RUNX2: variants seen among roughly 807,000 people sequenced by gnomAD.
RUNX2 encodes runt-related transcription factor 2.
A neutral mutation model predicts 51.7 loss-of-function variants in RUNX2; 10 were observed. The observed-to-expected ratio is 0.19, with a 90% confidence interval of 0.12 to 0.33. The LOEUF is 0.33. Among genes scored for constraint, RUNX2 ranks in the 10% least tolerant of loss-of-function variants. RUNX2 has a pLI of 1.00. For synonymous variants in RUNX2, 276 were observed against 273.6 expected (o/e 1.01, Z -0.09); for missense variants, 562 against 691.3 (o/e 0.81, Z 2.10).
At chr6:45,532,511 A>T (rs1801891719) in intron 7 of RUNX2, among the ~76,000 whole-genome samples, 1 of 152,048 alleles carries the variant, frequency 6.6e-6, no homozygotes, top group Non-Finnish European at 1.5e-5. Flanking sequence ...AACACTCTAG[A>T]ATTATTTTAT....
intron 2 of RUNX2, among the ~76,000 whole-genome samples, chr6:45,348,109 G>A (rs1291751761): frequency 1.3e-5 from 2 of 151,978 alleles, no homozygotes; most frequent in Non-Finnish European, 2.9e-5. Context: ...TACGTTAAAA[G>A]CAGCACCTTT....
intron 7 of RUNX2, among the ~76,000 whole-genome samples, chr6:45,534,479 T>A (rs1185940336): frequency 6.6e-6 from 1 of 152,162 alleles, no homozygotes; most frequent in East Asian, 1.9e-4. Context: ...TATTTCATGA[T>A]GATTTTTGAG....
At chr6:45,464,269 G>A (rs116714778) in intron 5 of RUNX2, among the ~76,000 whole-genome samples, 2,598 of 152,186 alleles carry the variant, frequency 0.017, 77 homozygotes, top group African/African-American at 0.06. Flanking sequence ...CTGTGTATCA[G>A]GGACTGTGTC....
rs541256105 is a variant in RUNX2 at position 45,328,740 on chromosome 6, G to C, written c.14G>C (p.Ser5Thr). The part of the protein sequence containing the change: MASN[S>T]LFSTVTPCQQ... ...AAAGGAGGGACTATGGCATCAAACA[G>C]CCTCTTCAGCACAGTGACACCATGT... The change falls in exon 2 of 9, where the codon AGC (serine) becomes ACC (threonine). Residue 5 changes from serine to threonine, a missense_variant. Transcript: ENST00000647337. The C allele has an allele frequency of 6.2e-7, 1 of 1,612,108 alleles. No individual in the cohort carries two copies. Among genetic ancestry groups the C allele is most frequent in the Middle Eastern group, 1.7e-4 (1 of 6,048 alleles).
chr6:45,386,171 G>A (rs577090239), intron 2 of RUNX2, among the ~76,000 whole-genome samples: 51 of 151,390 alleles, frequency 3.4e-4, no homozygotes, highest in African/African-American at 7.3e-4. Flanking sequence ...AGGTTCAAGC[G>A]ATTCTCTTGC....
chr6:45,503,639 G>A (rs538369967), intron 6 of RUNX2, among the ~76,000 whole-genome samples: 4 of 152,262 alleles, frequency 2.6e-5, no homozygotes, highest in African/African-American at 7.2e-5. Flanking sequence ...TAGCTTTGCC[G>A]TTGAGATTCA....
At chr6:45,531,141 C>A (rs1038209211) in intron 7 of RUNX2, among the ~76,000 whole-genome samples, 2 of 152,186 alleles carry the variant, frequency 1.3e-5, no homozygotes, top group Admixed American at 6.5e-5. Flanking sequence ...TCTTTTAGCT[C>A]CACATAATAT....
intron 2 of RUNX2, among the ~76,000 whole-genome samples, chr6:45,334,285 A>G (rs2150098654): frequency 6.6e-6 from 1 of 151,230 alleles, no homozygotes; most frequent in African/African-American, 2.4e-5. Context: ...ATCATTATAT[A>G]CCATCAACTA....
intron 2 of RUNX2, among the ~76,000 whole-genome samples, chr6:45,358,042 C>T (rs535564275): frequency 6.6e-6 from 1 of 151,760 alleles, no homozygotes; most frequent in South Asian, 2.1e-4. Flanking sequence ...CAAAAATTAA[C>T]ATCTTCAAAG....
At chr6:45,434,362 C>A (rs770799631) in intron 4 of RUNX2, among the ~76,000 whole-genome samples, 2 of 152,156 alleles carry the variant, frequency 1.3e-5, no homozygotes, top group African/African-American at 4.8e-5. Context: ...CATGCTGCTA[C>A]CATTGTATTT....
chr6:45,515,808 A>C (rs1801301701), intron 7 of RUNX2, among the ~76,000 whole-genome samples: 1 of 152,226 alleles, frequency 6.6e-6, no homozygotes, highest in Non-Finnish European at 1.5e-5. Flanking sequence ...ATAACGATTC[A>C]ATTATGTCAG....
At chr6:45,511,600 C>T (rs1582190720) in intron 6 of RUNX2, among the ~76,000 whole-genome samples, 2 of 152,100 alleles carry the variant, frequency 1.3e-5, no homozygotes, top group Non-Finnish European at 2.9e-5. Context: ...TAACTGGCTT[C>T]CCTCCTTCCT....
At chr6:45,493,813 G>T (rs1189762250) in intron 6 of RUNX2, among the ~76,000 whole-genome samples, 5 of 151,704 alleles carry the variant, frequency 3.3e-5, no homozygotes. Context: ...TATATGATTT[G>T]TAATGGATTT....
chr6:45,503,512 AC>A (rs1251681363), intron 6 of RUNX2, among the ~76,000 whole-genome samples: 3 of 152,048 alleles, frequency 2.0e-5, no homozygotes, highest in African/African-American at 7.2e-5. Context: ...TGAATTTACC[AC>A]ACCCAGTTCA....
At chr6:45,494,508 C>CT (rs1273855515) in intron 6 of RUNX2, among the ~76,000 whole-genome samples, 23 of 151,284 alleles carry the variant, frequency 1.5e-4, no homozygotes, top group Admixed American at 4.0e-4. Flanking sequence ...GACTAGTGTT[C>CT]TTTTTTTTTC....
chr6:45,509,836 C>A (rs902887758), intron 6 of RUNX2, among the ~76,000 whole-genome samples: 2 of 152,160 alleles, frequency 1.3e-5, no homozygotes, highest in East Asian at 1.9e-4. Flanking sequence ...GGGCCCTAGA[C>A]GGATGACTTG....
intron 2 of RUNX2, among the ~76,000 whole-genome samples, chr6:45,351,455 T>A (rs922812273): frequency 6.6e-6 from 1 of 152,054 alleles, no homozygotes; most frequent in Non-Finnish European, 1.5e-5. Context: ...CACTGTAACA[T>A]AGTAAAATGA....
At chr6:45,358,667 T>C (rs1387344607) in intron 2 of RUNX2, among the ~76,000 whole-genome samples, 1 of 152,170 alleles carries the variant, frequency 6.6e-6, no homozygotes, top group Non-Finnish European at 1.5e-5. Context: ...CCCTGTGAGG[T>C]AGATACAGGT....
At chr6:45,474,373 ATGTGTGTGTGTGTG>A (rs56719456) in intron 5 of RUNX2, among the ~76,000 whole-genome samples, 38,951 of 149,456 alleles carry the variant, frequency 0.26, 5,771 homozygotes, top group Non-Finnish European at 0.34. Flanking sequence ...TGTTTTATAT[ATGTGTGTGTGTGTG>A]TGTGTGTGTG....
Sources: allele counts gnomAD v4.1 joint callset (sites outside exome capture counted in the v4.1 genomes callset), GRCh38; gene constraint gnomAD v4.1.1; transcripts MANE v1.5; gene names NCBI Gene and HGNC (gene_info 2026-07-23, HGNC 2026-07-21).